ZNF487: variants seen among roughly 807,000 people sequenced by gnomAD.
ZNF487 encodes the protein zinc finger protein 487.
A neutral mutation model predicts 3.0 loss-of-function variants in ZNF487; 4 were observed. The ratio of observed to expected loss-of-function variants is 1.35; its 90% CI spans 0.66 to 3.08. The LOEUF is 3.08. Among genes scored for constraint, ZNF487 ranks in the 30% most tolerant of loss-of-function variants. ZNF487 has a pLI of 0.01. For missense variants in ZNF487, 146 were observed against 98.7 expected (o/e 1.48, Z -2.03); for synonymous variants, 55 against 34.6 (o/e 1.59, Z -2.06).
chr10:43,492,936 C>T, the ZNF487 span, among the ~76,000 whole-genome samples: 1 of 152,200 alleles, frequency 6.6e-6, no homozygotes, highest in East Asian at 1.9e-4. Flanking sequence ...CATTAGAACT[C>T]TAAAGGTGTT....
At chr10:43,447,138 A>G (rs1839840560) in intron 1 of ZNF487, among the ~76,000 whole-genome samples, 1 of 152,122 alleles carries the variant, frequency 6.6e-6, no homozygotes, top group South Asian at 2.1e-4. Context: ...AAATCGAGGC[A>G]GTACAGTCCA....
intron 1 of ZNF487, among the ~76,000 whole-genome samples, chr10:43,461,265 C>G (rs1348222082): frequency 1.3e-5 from 2 of 151,596 alleles, no homozygotes; most frequent in Non-Finnish European, 2.9e-5. Flanking sequence ...CCTTGGCCTC[C>G]CAAAGTGTTG....
chr10:43,484,058 AG>A (rs1194573511), downstream of ZNF487, among the ~76,000 whole-genome samples: 1 of 151,590 alleles, frequency 6.6e-6, no homozygotes, highest in Non-Finnish European at 1.5e-5. Context: ...TAGTAGAGAC[AG>A]GGTTTCGCCA....
intron 1 of ZNF487, among the ~76,000 whole-genome samples, chr10:43,462,457 ATT>A (rs36007890): frequency 1.0e-3 from 134 of 129,160 alleles, no homozygotes; most frequent in Middle Eastern, 4.7e-3. Context: ...TGTAGACAAC[ATT>A]TTTTTTTTTT....
intron 1 of ZNF487, among the ~76,000 whole-genome samples, chr10:43,448,492 T>C (rs2819025): frequency 0.89 from 135,757 of 152,018 alleles, 60,677 homozygotes; most frequent in East Asian, 1. Context: ...TGTGTGGGTC[T>C]ATGTATATGT....
Position 43,437,149 on chromosome 10 carries a change from C to T in ZNF487, c.-207C>T. The T allele has an allele frequency of 3.4e-6, 1 of 290,686 alleles. No individual in the cohort carries two copies. Among genetic ancestry groups the T allele is most frequent in the South Asian group, 2.5e-5 (1 of 40,314 alleles). The allele number at this position is 290,686 out of a possible 1,614,324, so 18.0% of individuals were successfully genotyped here. On this transcript the variant is annotated 5_prime_UTR_variant, in exon 1 of 4. Coordinates refer to ENST00000437590, the MANE Select transcript of ZNF487 (RefSeq NM_001355444.3). Reference sequence around the variant, plus strand: ...GCAGTTTCCATGGTGAGATGGTCAACAAGCCTGTAAGTTCCTCAGCTACGA... The same window carrying T: ...GCAGTTTCCATGGTGAGATGGTCAATAAGCCTGTAAGTTCCTCAGCTACGA...
chr10:43,446,646 C>A (rs1839817907), intron 1 of ZNF487, among the ~76,000 whole-genome samples: 1 of 151,018 alleles, frequency 6.6e-6, no homozygotes, highest in African/African-American at 2.4e-5. Context: ...GGCGCCCGGG[C>A]AGAGACGCTC....
chr10:43,473,862 C>T (rs1840994759), intron 1 of ZNF487, among the ~76,000 whole-genome samples: 1 of 151,648 alleles, frequency 6.6e-6, no homozygotes, highest in South Asian at 2.1e-4. Context: ...CCCATTTCTC[C>T]AAAAATTTAA....
chr10:43,520,459 A>G, the ZNF487 span, among the ~76,000 whole-genome samples: 45,015 of 152,086 alleles, frequency 0.3, 7,033 homozygotes, highest in African/African-American at 0.37. Flanking sequence ...AGAAATTGTG[A>G]TGCATGCAAC....
rs1229106867 is a variant in ZNF487, at chr10:43,483,081, C to T, written c.*1159C>T. 2 of 457,312 alleles carry T rather than the reference C, an allele frequency of 4.4e-6. No homozygotes were observed. Among genetic ancestry groups the T allele is most frequent in the Admixed American group, 4.7e-5 (2 of 42,596 alleles). The allele number at this position is 457,312 out of a possible 1,614,324, so 28.3% of individuals were successfully genotyped here. A position where few individuals can be genotyped will look rare whatever the true frequency, so the allele number is the denominator to read the frequency against. ...CATAGAGGAAACCCTTGTCAACATC[C>T]TGAAGGCTCAGAAACCTTCACCTTC... On this transcript the variant is annotated 3_prime_UTR_variant, in exon 4 of 4. Coordinates refer to ENST00000437590, the MANE Select transcript of ZNF487 (RefSeq NM_001355444.3).
At chr10:43,519,317 C>A in the ZNF487 span, among the ~76,000 whole-genome samples, 28 of 152,200 alleles carry the variant, frequency 1.8e-4, no homozygotes, top group African/African-American at 6.5e-4. Flanking sequence ...ACAAGCAGAT[C>A]CATATATTTG....
chr10:43,465,925 T>A (rs1186013394), intron 1 of ZNF487, among the ~76,000 whole-genome samples: 1 of 152,182 alleles, frequency 6.6e-6, no homozygotes, highest in Non-Finnish European at 1.5e-5. Flanking sequence ...CGAGACTCTG[T>A]CTGCAATCCC....
chr10:43,438,127 C>G (rs1315171443), intron 1 of ZNF487, among the ~76,000 whole-genome samples: 1 of 152,106 alleles, frequency 6.6e-6, no homozygotes, highest in African/African-American at 2.4e-5. Flanking sequence ...GAAACCTCAT[C>G]ATGGAGAGAA....
At chr10:43,520,988 A>G in the ZNF487 span, among the ~76,000 whole-genome samples, 15 of 152,222 alleles carry the variant, frequency 9.9e-5, no homozygotes, top group Non-Finnish European at 1.9e-4. Context: ...AGGCTCAGGG[A>G]TGTGGTAGGT....
chr10:43,495,945 A>G, the ZNF487 span: 2 of 478,708 alleles, frequency 4.2e-6, no homozygotes, highest in Non-Finnish European at 8.5e-6. Context: ...ACATGACAAG[A>G]TATTAGATCC....
intron 1 of ZNF487, among the ~76,000 whole-genome samples, chr10:43,451,711 A>G (rs1430589471): frequency 6.9e-5 from 10 of 145,540 alleles, no homozygotes; most frequent in African/African-American, 5.1e-5. Flanking sequence ...GATTACAGGC[A>G]TGGGCCACCA....
At chr10:43,436,885 C>T (rs1328184799), upstream of ZNF487, 4 of 469,198 alleles carry the variant, frequency 8.5e-6, no homozygotes, top group African/African-American at 4.0e-5. Flanking sequence ...CAGCGACCTT[C>T]GCTTTCGTGG....
In ZNF487 at chr10:43,479,984, CTTCTTTCTTTCT is replaced by C. The variant is rs71533064; in HGVS notation, c.131-1394_131-1383del. Reference sequence around the variant, plus strand: ...TTTCTTTCTTTCTTTTCTTTCTTTCCTTCTTTCTTTCTTTCTTTCTTTCTTTCTTTCTTTCTT... The same window carrying C: ...TTTCTTTCTTTCTTTTCTTTCTTTCCTTCTTTCTTTCTTTCTTTCTTTCTT... On this transcript the variant is annotated intron_variant, in intron 3 of 3. Coordinates refer to ENST00000437590, the MANE Select transcript of ZNF487 (RefSeq NM_001355444.3). Among the ~76,000 whole-genome samples, 34 of 57,900 alleles carry C rather than the reference CTTCTTTCTTTCT, an allele frequency of 5.9e-4. 1 individual carries two copies. Among genetic ancestry groups the C allele is most frequent in the African/African-American group, 7.7e-4 (19 of 24,628 alleles). 38.0% of individuals were successfully genotyped at this position (57,900 alleles called of 152,430 possible).
At chr10:43,501,909 G>A in the ZNF487 span, among the ~76,000 whole-genome samples, 7 of 151,862 alleles carry the variant, frequency 4.6e-5, no homozygotes, top group Non-Finnish European at 1.0e-4. Flanking sequence ...TTAACCAAAT[G>A]AGGCAAGACT....
Sources: gnomAD v4.1 joint callset for allele counts (sites outside exome capture counted in the v4.1 genomes callset) on GRCh38, gnomAD v4.1.1 for gene constraint, MANE v1.5 for transcripts, NCBI Gene and HGNC (gene_info 2026-07-23, HGNC 2026-07-21) for gene names.